TMEM108: variants seen among roughly 807,000 people sequenced by gnomAD.
TMEM108 encodes the protein transmembrane protein 108.
A neutral mutation model predicts 35.1 loss-of-function variants in TMEM108; 12 were observed. The ratio of observed to expected loss-of-function variants is 0.34; its 90% CI spans 0.22 to 0.55. The LOEUF is 0.55. Among genes scored for constraint, TMEM108 ranks in the 20% least tolerant of loss-of-function variants. The pLI is 0.89. For missense variants in TMEM108, 680 were observed against 753.3 expected (o/e 0.90, Z 1.14); for synonymous variants, 287 against 308.6 (o/e 0.93, Z 0.73).
chr3:133,174,136 G>A (rs192992713), intron 2 of TMEM108, among the ~76,000 whole-genome samples: 2 of 152,232 alleles, frequency 1.3e-5, no homozygotes, highest in African/African-American at 4.8e-5. Context: ...GGGGGAGGGT[G>A]CCTGCCATTG....
intron 2 of TMEM108, among the ~76,000 whole-genome samples, chr3:133,153,175 C>A (rs1473662538): frequency 6.6e-6 from 1 of 152,088 alleles, no homozygotes. Flanking sequence ...GGCTAACAGT[C>A]AGGAAACTCA....
chr3:133,284,622 GTGACTAAGAACTGTTTGGTGAT>G (rs1451097254), intron 3 of TMEM108, among the ~76,000 whole-genome samples: 4 of 152,212 alleles, frequency 2.6e-5, no homozygotes, highest in Non-Finnish European at 2.9e-5. Flanking sequence ...CATGGCTGCT[GTGACTAAGAACTGTTTGGTGAT>G]CAGCCAGCTG....
At chr3:133,251,154 A>G (rs1310266449) in intron 3 of TMEM108, among the ~76,000 whole-genome samples, 2 of 152,222 alleles carry the variant, frequency 1.3e-5, no homozygotes, top group African/African-American at 2.4e-5. Context: ...AGACAAAGAT[A>G]AGCATTAGTT....
At chr3:133,115,772 G>A (rs1319654164) in intron 2 of TMEM108, among the ~76,000 whole-genome samples, 5 of 152,220 alleles carry the variant, frequency 3.3e-5, no homozygotes, top group Admixed American at 3.3e-4. Context: ...TCTGCTATAT[G>A]CAGGCACTAT....
At chr3:133,175,936 G>A (rs939036821) in intron 2 of TMEM108, among the ~76,000 whole-genome samples, 7 of 152,172 alleles carry the variant, frequency 4.6e-5, no homozygotes, top group Admixed American at 3.9e-4. Flanking sequence ...CATCTCATGT[G>A]CAGAGACACA....
intron 2 of TMEM108, among the ~76,000 whole-genome samples, chr3:133,215,222 T>C (rs919057158): frequency 6.6e-6 from 1 of 152,152 alleles, no homozygotes; most frequent in Admixed American, 6.5e-5. Flanking sequence ...CTGTAACTTA[T>C]GCCTGAATGA....
chr3:133,218,401 C>T (rs1945939680), intron 2 of TMEM108, among the ~76,000 whole-genome samples: 2 of 151,806 alleles, frequency 1.3e-5, no homozygotes, highest in South Asian at 4.1e-4. Context: ...ATTTCTTTCT[C>T]TTGCCTAACT....
At chr3:133,301,098 C>A (rs542476556) in intron 3 of TMEM108, among the ~76,000 whole-genome samples, 23 of 151,298 alleles carry the variant, frequency 1.5e-4, no homozygotes, top group Non-Finnish European at 2.6e-4. Context: ...GTTCACAGAG[C>A]GTGTAAGGAA....
intron 3 of TMEM108, among the ~76,000 whole-genome samples, chr3:133,284,318 C>G (rs1359339585): frequency 6.6e-6 from 1 of 152,218 alleles, no homozygotes; most frequent in African/African-American, 2.4e-5. Flanking sequence ...CCTCCACCTT[C>G]ACACCCTCTG....
chr3:133,295,670 A>T (rs73221180), intron 3 of TMEM108, among the ~76,000 whole-genome samples: 6,678 of 152,240 alleles, frequency 0.044, 188 homozygotes, highest in Non-Finnish European at 0.064. Flanking sequence ...ATTCTTCCTG[A>T]TCCTGTGGGA....
chr3:133,304,392 T>C (rs182876080), intron 3 of TMEM108, among the ~76,000 whole-genome samples: 2 of 152,234 alleles, frequency 1.3e-5, no homozygotes, highest in East Asian at 3.9e-4. Context: ...ATTGTAGGTA[T>C]ACAGTTAAAT....
chr3:133,296,999 A>G (rs1947154973), intron 3 of TMEM108, among the ~76,000 whole-genome samples: 2 of 152,198 alleles, frequency 1.3e-5, no homozygotes, highest in African/African-American at 4.8e-5. Context: ...AGTCAAGACA[A>G]TAGAACAAGG....
intron 4 of TMEM108, chr3:133,387,827 C>A: frequency 1.0e-6 from 1 of 985,228 alleles, no homozygotes; most frequent in Non-Finnish European, 1.2e-6. Flanking sequence ...GATTCTAATT[C>A]TAAATTCGAT....
intron 2 of TMEM108, among the ~76,000 whole-genome samples, chr3:133,064,315 C>T (rs1217281148): frequency 2.6e-5 from 4 of 152,138 alleles, no homozygotes; most frequent in Non-Finnish European, 5.9e-5. Flanking sequence ...AATTAATATA[C>T]GTTTAACTCT....
intron 3 of TMEM108, among the ~76,000 whole-genome samples, chr3:133,235,246 A>G (rs1946217352): frequency 6.6e-6 from 1 of 152,094 alleles, no homozygotes; most frequent in Admixed American, 6.5e-5. Flanking sequence ...GAATTGGAAA[A>G]AACTACTTTA....
chr3:133,358,361 G>A (rs1482278049), intron 3 of TMEM108, among the ~76,000 whole-genome samples: 3 of 151,908 alleles, frequency 2.0e-5, no homozygotes, highest in East Asian at 1.9e-4. Flanking sequence ...TAGTAGAGAC[G>A]GGGTTTCACC....
At chr3:133,394,594 A>G (rs1488201889) in intron 5 of TMEM108, among the ~76,000 whole-genome samples, 1 of 152,220 alleles carries the variant, frequency 6.6e-6, no homozygotes, top group Non-Finnish European at 1.5e-5. Flanking sequence ...AAGCTATAAA[A>G]TGACAAGCCA....
intron 3 of TMEM108, among the ~76,000 whole-genome samples, chr3:133,281,674 T>C (rs1050371682): frequency 1.3e-5 from 2 of 152,172 alleles, no homozygotes; most frequent in African/African-American, 4.8e-5. Flanking sequence ...TGGTTCAGGG[T>C]AGCATTTCTC....
At chr3:133,218,087 C>T (rs1267230539) in intron 2 of TMEM108, among the ~76,000 whole-genome samples, 1 of 151,868 alleles carries the variant, frequency 6.6e-6, no homozygotes, top group Admixed American at 6.6e-5. Flanking sequence ...TCTTCAATTT[C>T]TTTCATTAAT....
Sources: allele counts gnomAD v4.1 joint callset (sites outside exome capture counted in the v4.1 genomes callset), GRCh38; gene constraint gnomAD v4.1.1; transcripts MANE v1.5; gene names NCBI Gene and HGNC (gene_info 2026-07-23, HGNC 2026-07-21).